The following PTPRD variants were observed in gnomAD, a reference collection of about 807,000 sequenced individuals.
The protein encoded by PTPRD is receptor-type tyrosine-protein phosphatase delta.
A neutral mutation model predicts 214.5 loss-of-function variants in PTPRD; 34 were observed. That is an observed-to-expected ratio of 0.16 (90% CI 0.12 to 0.21). PTPRD has a LOEUF of 0.21. Among genes scored for constraint, PTPRD ranks in the 10% least tolerant of loss-of-function variants. The pLI is 1.00. For synonymous variants in PTPRD, 1,128 were observed against 845.7 expected (o/e 1.33, Z -5.79); for missense variants, 2,545 against 2,398.7 (o/e 1.06, Z -1.27).
At chr9:9,753,712 T>A (rs1423796636) in intron 6 of PTPRD, among the ~76,000 whole-genome samples, 1 of 151,992 alleles carries the variant, frequency 6.6e-6, no homozygotes, top group Non-Finnish European at 1.5e-5. Flanking sequence ...GTCCAATGTG[T>A]CGCAGATGCT....
chr9:10,410,172 A>C (rs1393254954), intron 2 of PTPRD, among the ~76,000 whole-genome samples: 1 of 149,944 alleles, frequency 6.7e-6, no homozygotes, highest in Non-Finnish European at 1.5e-5. Flanking sequence ...CTGATAGTTC[A>C]AATAAACTTC....
At chr9:8,678,013 A>T (rs991733471) in intron 12 of PTPRD, among the ~76,000 whole-genome samples, 68 of 152,098 alleles carry the variant, frequency 4.5e-4, no homozygotes, top group African/African-American at 1.6e-3. Flanking sequence ...CTCTCCTGCT[A>T]TCTCTGCTGA....
chr9:9,320,768 C>T (rs988980137), intron 9 of PTPRD, among the ~76,000 whole-genome samples: 2 of 152,114 alleles, frequency 1.3e-5, no homozygotes, highest in African/African-American at 4.8e-5. Context: ...TATTTGGCTT[C>T]TAAGTTTTCT....
intron 8 of PTPRD, among the ~76,000 whole-genome samples, chr9:9,553,465 C>CAAAT (rs2080811220): frequency 6.6e-6 from 1 of 151,898 alleles, no homozygotes; most frequent in African/African-American, 2.4e-5. Context: ...TACTGAAACT[C>CAAAT]AAATAATTAA....
chr9:8,934,436 A>AAT (rs1266350371), intron 11 of PTPRD, among the ~76,000 whole-genome samples: 1,086 of 30,346 alleles, frequency 0.036, 114 homozygotes, highest in Middle Eastern at 0.2. Context: ...TATATATATA[A>AAT]ATATATATAT....
chr9:10,460,333 C>T (rs78367901), intron 2 of PTPRD, among the ~76,000 whole-genome samples: 1,590 of 151,122 alleles, frequency 0.011, 34 homozygotes, highest in African/African-American at 0.037. Flanking sequence ...CAATGCAGTC[C>T]CTATCAAAAT....
At chr9:8,625,427 C>T (rs2095992005) in intron 14 of PTPRD, among the ~76,000 whole-genome samples, 1 of 151,690 alleles carries the variant, frequency 6.6e-6, no homozygotes. Context: ...ACTATGTATG[C>T]CGATACTTAG....
intron 39 of PTPRD, among the ~76,000 whole-genome samples, chr9:8,345,383 C>T (rs556296418): frequency 6.6e-6 from 1 of 152,086 alleles, no homozygotes; most frequent in Non-Finnish European, 1.5e-5. Context: ...ACCCCCAGTG[C>T]TTCACAATGC....
At chr9:8,388,982 CTTTTTT>C (rs34248103) in intron 37 of PTPRD, among the ~76,000 whole-genome samples, 2 of 130,054 alleles carry the variant, frequency 1.5e-5, no homozygotes, top group East Asian at 2.3e-4. Flanking sequence ...GTGAATATTC[CTTTTTT>C]TTTTTTTTTT....
At chr9:10,034,267 A>T (rs1419682002) in intron 3 of PTPRD, among the ~76,000 whole-genome samples, 1 of 152,102 alleles carries the variant, frequency 6.6e-6, no homozygotes, top group Non-Finnish European at 1.5e-5. Flanking sequence ...GTTAAAACTA[A>T]ATTTATCATA....
chr9:10,466,400 G>A (rs1667655765), intron 2 of PTPRD, among the ~76,000 whole-genome samples: 1 of 151,856 alleles, frequency 6.6e-6, no homozygotes, highest in Non-Finnish European at 1.5e-5. Context: ...GAGGCGGGAG[G>A]ACCACCTGAA....
At chr9:8,866,567 G>A (rs942779173) in intron 11 of PTPRD, among the ~76,000 whole-genome samples, 5 of 152,004 alleles carry the variant, frequency 3.3e-5, no homozygotes, top group African/African-American at 7.2e-5. Context: ...ATAACTAAGT[G>A]CAAATGTTCT....
chr9:8,761,180 A>G (rs746763587), intron 11 of PTPRD, among the ~76,000 whole-genome samples: 1 of 152,188 alleles, frequency 6.6e-6, no homozygotes, highest in South Asian at 2.1e-4. Context: ...CATTTTACAA[A>G]TAGAGGCAAA....
rs1182127602 is a variant in PTPRD, at chr9:8,633,347, T to C, written c.322A>G (p.Ser108Gly). 1.9e-6 allele frequency: 3 copies of C among 1,612,734 alleles called. No individual in the cohort carries two copies. In the Admixed American group the frequency reaches 5.0e-5, roughly 27 times the overall value. The change falls in exon 14 of 46, where the codon AGT becomes GGT. Residue 108 changes from serine to glycine, a missense_variant. Physicochemically the swap from Ser to Gly is moderately conservative, Grantham distance 56 (BLOSUM62 0). Transcript: ENST00000381196. ...CVASNNVGEI[S>G]VSTRLTVLRE... ...AAAACTGTGAGTCTGGTGGATACAC[T>C]TATTTCTCCCACATTATTTGAGGCC... is the stretch of plus-strand genomic sequence containing the variant.
chr9:10,590,541 G>T (rs1361963127), intron 2 of PTPRD, among the ~76,000 whole-genome samples: 1 of 151,854 alleles, frequency 6.6e-6, no homozygotes, highest in Non-Finnish European at 1.5e-5. Flanking sequence ...TTCTGTTTTA[G>T]AACTTCATAT....
At chr9:9,909,163 T>TCA (rs2078460858) in intron 5 of PTPRD, among the ~76,000 whole-genome samples, 1 of 151,926 alleles carries the variant, frequency 6.6e-6, no homozygotes, top group African/African-American at 2.4e-5. Flanking sequence ...CATATTTTGT[T>TCA]CATCAAAAAT....
At chr9:9,015,407 G>C (rs1183672636) in intron 11 of PTPRD, among the ~76,000 whole-genome samples, 1 of 152,106 alleles carries the variant, frequency 6.6e-6, no homozygotes, top group Non-Finnish European at 1.5e-5. Flanking sequence ...ACTCCCACCA[G>C]CGCCATGACA....
chr9:10,490,284 GTATT>G (rs2039766652), intron 2 of PTPRD, among the ~76,000 whole-genome samples: 1 of 152,090 alleles, frequency 6.6e-6, no homozygotes, highest in Non-Finnish European at 1.5e-5. Flanking sequence ...ATAATAAAGA[GTATT>G]TATTTTATAT....
At chr9:8,542,707 A>G (rs2078794824) in intron 14 of PTPRD, among the ~76,000 whole-genome samples, 1 of 152,234 alleles carries the variant, frequency 6.6e-6, no homozygotes, top group African/African-American at 2.4e-5. Flanking sequence ...CTTTTCCTTC[A>G]GGAATTGGCA....
Sources: allele counts gnomAD v4.1 joint callset (sites outside exome capture counted in the v4.1 genomes callset), GRCh38; gene constraint gnomAD v4.1.1; transcripts MANE v1.5; gene names NCBI Gene and HGNC (gene_info 2026-07-23, HGNC 2026-07-21).